CCSER1: variants seen among roughly 807,000 people sequenced by gnomAD.
The protein encoded by CCSER1 is serine-rich coiled-coil domain-containing protein 1.
In CCSER1, 41 loss-of-function variants were observed where a neutral mutation model predicts 82.0. That is an observed-to-expected ratio of 0.50 (90% CI 0.39 to 0.65). CCSER1 has a LOEUF of 0.65. CCSER1 is among the 30% of genes least tolerant of loss of function. The pLI, the probability that CCSER1 is intolerant of heterozygous loss-of-function variation, is 0.00. For missense variants in CCSER1, 1,119 were observed against 1,064.2 expected (o/e 1.05, Z -0.72); for synonymous variants, 414 against 383.9 (o/e 1.08, Z -0.92).
chr4:91,229,812 C>T (rs1455410829), intron 10 of CCSER1, among the ~76,000 whole-genome samples: 1 of 151,980 alleles, frequency 6.6e-6, no homozygotes, highest in African/African-American at 2.4e-5. Flanking sequence ...GGCAGGGGAA[C>T]ATCACATACT....
At chr4:90,325,832 A>G (rs1350001776) in intron 3 of CCSER1, 1 of 235,282 alleles carries the variant, frequency 4.3e-6, no homozygotes, top group South Asian at 4.8e-5. Context: ...TCTGACTCCA[A>G]AGGTCAAGAA....
intron 6 of CCSER1, among the ~76,000 whole-genome samples, chr4:90,699,292 C>T (rs1378002167): frequency 3.3e-5 from 5 of 152,024 alleles, no homozygotes; most frequent in African/African-American, 9.6e-5. Context: ...GGCAAAATCC[C>T]GTCTCTACTA....
Position 90,701,797 on chromosome 4 carries a change from C to T in CCSER1, c.1933-22117C>T, listed in dbSNP as rs570167358. On this transcript the variant is annotated intron_variant, in intron 6 of 10. Transcript: ENST00000509176. ...TTTGTCTGTTATTGGTGTGTAAGAA[C>T]GCTTATGATTTTTGCACATTGATTT... 3.2e-3 allele frequency among the ~76,000 whole-genome samples: 491 copies of T among 152,164 alleles called. 3 individuals carry two copies. Among genetic ancestry groups the T allele is most frequent in the South Asian group, 0.03 (144 of 4,818 alleles).
intron 9 of CCSER1, among the ~76,000 whole-genome samples, chr4:90,952,648 C>T (rs1481511768): frequency 6.6e-6 from 1 of 152,092 alleles, no homozygotes; most frequent in African/African-American, 2.4e-5. Flanking sequence ...GTCCTAGACA[C>T]TTGATTTCCT....
chr4:90,405,567 A>G (rs1049892728), intron 4 of CCSER1, among the ~76,000 whole-genome samples: 1 of 152,156 alleles, frequency 6.6e-6, no homozygotes, highest in Non-Finnish European at 1.5e-5. Context: ...TCATCAGGTT[A>G]CCTAAAGTCA....
intron 1 of CCSER1, among the ~76,000 whole-genome samples, chr4:90,141,996 C>T (rs533368281): frequency 1.3e-5 from 2 of 152,242 alleles, no homozygotes; most frequent in South Asian, 2.1e-4. Context: ...TGGACTGTCA[C>T]GTTTTATTGA....
chr4:90,388,249 G>A (rs1229214191), intron 3 of CCSER1, among the ~76,000 whole-genome samples: 3 of 152,156 alleles, frequency 2.0e-5, no homozygotes, highest in Non-Finnish European at 4.4e-5. Context: ...ACTATATACT[G>A]TGTTATTTGA....
chr4:91,233,869 C>A (rs1255570975), intron 10 of CCSER1, among the ~76,000 whole-genome samples: 1 of 151,648 alleles, frequency 6.6e-6, no homozygotes, highest in Non-Finnish European at 1.5e-5. Context: ...AAATATAAGT[C>A]TTCAACAACA....
chr4:90,136,939 A>G (rs542652057), intron 1 of CCSER1, among the ~76,000 whole-genome samples: 8 of 152,328 alleles, frequency 5.3e-5, no homozygotes, highest in African/African-American at 1.9e-4. Context: ...ATTAAGAATA[A>G]CTTATTTCAG....
At chr4:91,309,494 C>G (rs1034484317) in intron 10 of CCSER1, among the ~76,000 whole-genome samples, 2 of 151,928 alleles carry the variant, frequency 1.3e-5, no homozygotes, top group East Asian at 3.9e-4. Context: ...TGCAGAAAAC[C>G]CTTATCAAAA....
chr4:90,252,409 T>C (rs961489449), intron 1 of CCSER1, among the ~76,000 whole-genome samples: 1 of 151,928 alleles, frequency 6.6e-6, no homozygotes, highest in African/African-American at 2.4e-5. Flanking sequence ...TCTTTTGATT[T>C]ATTTTTCTTT....
chr4:91,386,919 A>G (rs1751335615), intron 10 of CCSER1, among the ~76,000 whole-genome samples: 1 of 152,044 alleles, frequency 6.6e-6, no homozygotes, highest in African/African-American at 2.4e-5. Context: ...CATGATAGAA[A>G]AAGAATGGAT....
chr4:91,085,128 C>T (rs944796542), intron 9 of CCSER1, among the ~76,000 whole-genome samples: 4 of 151,086 alleles, frequency 2.6e-5, no homozygotes, highest in African/African-American at 9.7e-5. Flanking sequence ...TTACCTTATA[C>T]ATTGATAGTG....
chr4:91,180,116 A>G (rs1216155523), intron 10 of CCSER1, among the ~76,000 whole-genome samples: 1 of 152,228 alleles, frequency 6.6e-6, no homozygotes, highest in Non-Finnish European at 1.5e-5. Flanking sequence ...TGGAGCCTGC[A>G]GAACAGCGAA....
intron 10 of CCSER1, among the ~76,000 whole-genome samples, chr4:91,173,790 CT>C (rs1733022596): frequency 6.6e-6 from 1 of 151,932 alleles, no homozygotes; most frequent in Non-Finnish European, 1.5e-5. Context: ...TGTTTCTTCA[CT>C]AAAAAAGGAT....
intron 10 of CCSER1, among the ~76,000 whole-genome samples, chr4:91,423,722 T>C (rs190588064): frequency 9.9e-5 from 15 of 152,188 alleles, no homozygotes; most frequent in Non-Finnish European, 2.1e-4. Flanking sequence ...TCTCCTAATA[T>C]AAATTTTAGC....
Position 90,923,433 on chromosome 4 carries a change from C to CAG in CCSER1, c.2158_2159insAG (p.Leu720GlnfsTer8). 6.4e-7 allele frequency: 1 copy of CAG among 1,550,672 alleles called. No homozygotes were observed. The highest frequency in any genetic ancestry group is 8.7e-7 in the Non-Finnish European group (1 of 1,146,150). Reference sequence around the variant, plus strand: ...AGTAGATAAATCCACACAGACTGAACTACTATGCTATGATGTAAGTAGCTC... The same window carrying CAG: ...AGTAGATAAATCCACACAGACTGAACAGTACTATGCTATGATGTAAGTAGCTC... On this transcript the variant is annotated frameshift_variant, in exon 9 of 11. Coordinates refer to ENST00000509176, the MANE Select transcript of CCSER1 (RefSeq NM_001145065.2). LOFTEE classifies it high-confidence loss of function.
intron 10 of CCSER1, among the ~76,000 whole-genome samples, chr4:91,134,146 G>A (rs2148914377): frequency 6.6e-6 from 1 of 152,192 alleles, no homozygotes; most frequent in Non-Finnish European, 1.5e-5. Context: ...CCAGCTTTCA[G>A]AATCTTCACC....
chr4:90,159,747 A>G (rs2153365001), intron 1 of CCSER1, among the ~76,000 whole-genome samples: 1 of 152,324 alleles, frequency 6.6e-6, no homozygotes, highest in East Asian at 1.9e-4. Flanking sequence ...TCAGGTGGTC[A>G]GTATTCTGTT....
Sources: gnomAD v4.1 joint callset for allele counts (sites outside exome capture counted in the v4.1 genomes callset) on GRCh38, gnomAD v4.1.1 for gene constraint, MANE v1.5 for transcripts, NCBI Gene and HGNC (gene_info 2026-07-23, HGNC 2026-07-21) for gene names.